NBAS: variants seen among roughly 807,000 people sequenced by gnomAD.
NBAS encodes NBAS subunit of NRZ tethering complex.
In NBAS, 219 loss-of-function variants were observed where a neutral mutation model predicts 302.5. That is an observed-to-expected ratio of 0.72 (90% CI 0.65 to 0.81). The LOEUF is 0.81. Ranked by LOEUF, NBAS falls within the 30% of genes least tolerant of loss-of-function variation. The pLI, the probability that NBAS is intolerant of heterozygous loss-of-function variation, is 0.00. For synonymous variants in NBAS, 1,118 were observed against 1,021.6 expected (o/e 1.09, Z -1.80); for missense variants, 2,932 against 2,841.6 (o/e 1.03, Z -0.72).
chr2:14,782,650 T>C, the NBAS span, among the ~76,000 whole-genome samples: 2 of 152,154 alleles, frequency 1.3e-5, no homozygotes, highest in South Asian at 4.1e-4. Context: ...TAAAGACAGA[T>C]GCACACATAT....
the NBAS span, among the ~76,000 whole-genome samples, chr2:15,106,451 G>GCCTCTCTCTCTCTCTCTCTCTCTC: frequency 6.8e-6 from 1 of 147,858 alleles, no homozygotes; most frequent in African/African-American, 2.5e-5. Context: ...CTCTGTCTCT[G>GCCTCTCTCTCTCTCTCTCTCTCTC]TCTCTCTCTC....
At chr2:15,090,778 T>C in the NBAS span, among the ~76,000 whole-genome samples, 5 of 152,198 alleles carry the variant, frequency 3.3e-5, no homozygotes, top group Non-Finnish European at 5.9e-5. Context: ...AAGAGGTCTT[T>C]ATTTGAAAGC....
chr2:15,054,347 G>A, the NBAS span, among the ~76,000 whole-genome samples: 2 of 152,214 alleles, frequency 1.3e-5, no homozygotes, highest in Non-Finnish European at 1.5e-5. Context: ...GAGTAGACTT[G>A]AGTTTAAGCA....
intron 35 of NBAS, among the ~76,000 whole-genome samples, chr2:15,350,079 C>G (rs569541643): frequency 2.0e-4 from 30 of 152,106 alleles, no homozygotes; most frequent in Admixed American, 1.7e-3. Flanking sequence ...CATATTAGAT[C>G]CATGTTCACC....
chr2:14,903,494 G>A, the NBAS span, among the ~76,000 whole-genome samples: 1 of 152,168 alleles, frequency 6.6e-6, no homozygotes, highest in Admixed American at 6.5e-5. Context: ...TTCAGGAAAA[G>A]CTGCTCCCAT....
intron 38 of NBAS, among the ~76,000 whole-genome samples, chr2:15,310,678 T>C (rs1410133595): frequency 6.6e-6 from 1 of 152,176 alleles, no homozygotes; most frequent in East Asian, 1.9e-4. Flanking sequence ...ATCTCAACAC[T>C]TGTCTACCCT....
chr2:15,558,520 T>C, intron 2 of NBAS, 60 bp downstream of exon 2: 1 of 1,414,120 alleles, frequency 7.1e-7, no homozygotes, highest in Non-Finnish European at 9.9e-7. Flanking sequence ...ATCAGAAGTC[T>C]AAAGAACACA....
At chr2:15,494,596 C>G (rs1210589995) in intron 11 of NBAS, among the ~76,000 whole-genome samples, 2 of 152,166 alleles carry the variant, frequency 1.3e-5, no homozygotes, top group African/African-American at 4.8e-5. Flanking sequence ...ATTCTTCTAA[C>G]TAGTACTTTA....
At chr2:15,111,965 T>A in the NBAS span, among the ~76,000 whole-genome samples, 1 of 148,206 alleles carries the variant, frequency 6.7e-6, no homozygotes, top group African/African-American at 2.4e-5. Context: ...TATTAATAGG[T>A]TCAATATTAT....
chr2:15,039,663 A>G, the NBAS span, among the ~76,000 whole-genome samples: 3 of 152,134 alleles, frequency 2.0e-5, no homozygotes, highest in Non-Finnish European at 4.4e-5. Flanking sequence ...AAGTACAGAG[A>G]GCTGAGCTCT....
chr2:14,849,273 A>G, the NBAS span, among the ~76,000 whole-genome samples: 1 of 152,182 alleles, frequency 6.6e-6, no homozygotes, highest in African/African-American at 2.4e-5. Context: ...GAACTACGTG[A>G]AGAATGAATG....
chr2:15,481,384 T>G (rs1276450658), intron 12 of NBAS, among the ~76,000 whole-genome samples: 1 of 152,090 alleles, frequency 6.6e-6, no homozygotes, highest in African/African-American at 2.4e-5. Flanking sequence ...TTACCATCCT[T>G]CCACCCCAGG....
intron 11 of NBAS, among the ~76,000 whole-genome samples, chr2:15,491,840 A>C (rs1348144913): frequency 6.6e-6 from 1 of 152,212 alleles, no homozygotes; most frequent in Non-Finnish European, 1.5e-5. Context: ...ATTTACATTA[A>C]ATCTATCAGT....
chr2:15,114,447 A>T, the NBAS span, among the ~76,000 whole-genome samples: 2 of 152,110 alleles, frequency 1.3e-5, no homozygotes, highest in Non-Finnish European at 2.9e-5. Flanking sequence ...TTTTAACTTA[A>T]TTACCTTTTT....
intron 51 of NBAS, among the ~76,000 whole-genome samples, chr2:15,172,836 G>C (rs1417196898): frequency 6.6e-6 from 1 of 152,234 alleles, no homozygotes; most frequent in Admixed American, 6.5e-5. Flanking sequence ...GCTATGAAAA[G>C]AAGACAGGCT....
intron 29 of NBAS, among the ~76,000 whole-genome samples, chr2:15,381,550 C>T (rs1288720161): frequency 6.6e-6 from 1 of 152,132 alleles, no homozygotes; most frequent in African/African-American, 2.4e-5. Flanking sequence ...GAAACTAACT[C>T]AAATGTAATA....
intron 48 of NBAS, among the ~76,000 whole-genome samples, chr2:15,193,290 G>T (rs1461500543): frequency 6.6e-6 from 1 of 151,926 alleles, no homozygotes; most frequent in African/African-American, 2.4e-5. Flanking sequence ...TTATCCATTT[G>T]TGCATGCTTG....
the NBAS span, among the ~76,000 whole-genome samples, chr2:14,896,947 G>T: frequency 6.6e-6 from 1 of 152,002 alleles, no homozygotes; most frequent in East Asian, 1.9e-4. Flanking sequence ...TCAGAGATTC[G>T]CAAGTCCTAG....
At chr2:15,388,584 A>G (rs553970594) in intron 28 of NBAS, among the ~76,000 whole-genome samples, 1 of 152,224 alleles carries the variant, frequency 6.6e-6, no homozygotes, top group South Asian at 2.1e-4. Flanking sequence ...AGAATCTTCT[A>G]AAGTTGAACT....
Sources: allele counts gnomAD v4.1 joint callset (sites outside exome capture counted in the v4.1 genomes callset), GRCh38; gene constraint gnomAD v4.1.1; transcripts MANE v1.5; gene names NCBI Gene and HGNC (gene_info 2026-07-23, HGNC 2026-07-21).